Variants in ZNF804B observed in about 807,000 individuals in gnomAD.
ZNF804B encodes zinc finger 804B.
A neutral mutation model predicts 101.4 loss-of-function variants in ZNF804B; 80 were observed. The observed-to-expected ratio is 0.79, with a 90% confidence interval of 0.66 to 0.95. The LOEUF (loss-of-function observed/expected upper bound fraction) is 0.95, where lower values mean the gene tolerates loss of function less well. ZNF804B is among the 40% of genes least tolerant of loss of function. The pLI is 0.00. For synonymous variants in ZNF804B, 622 were observed against 558.8 expected, an observed-to-expected ratio of 1.11 and a Z score of -1.59; for missense variants, 1,673 against 1,561.9, an observed-to-expected ratio of 1.07 and a Z score of -1.20.
chr7:89,188,067 C>CT lies in ZNF804B; in HGVS notation c.109-30079dup, dbSNP rs200332085. ...GTTTCTCAGATACTGCATTTTTTTT[C>CT]TTTTTTTTTACAAATTGACAAATTG... On this transcript the variant is annotated intron_variant, in intron 1 of 3. Transcript: ENST00000333190. 5.1e-3 allele frequency among the ~76,000 whole-genome samples: 767 copies of CT among 150,614 alleles called. 4 individuals carry two copies. The highest frequency in any genetic ancestry group is 0.015 in the African/African-American group (598 of 41,068).
chr7:88,786,608 A>C (rs2115672944), intron 1 of ZNF804B, among the ~76,000 whole-genome samples: 1 of 152,182 alleles, frequency 6.6e-6, no homozygotes, highest in African/African-American at 2.4e-5. Context: ...ATCAGAAAAT[A>C]CTGTTAGTGC....
At chr7:89,094,552 A>C (rs1359831763) in intron 1 of ZNF804B, among the ~76,000 whole-genome samples, 2 of 152,160 alleles carry the variant, frequency 1.3e-5, no homozygotes, top group African/African-American at 4.8e-5. Flanking sequence ...TTTTTTAAAA[A>C]AAAATCCTGG....
At chr7:89,210,946 T>A (rs186077446) in intron 1 of ZNF804B, among the ~76,000 whole-genome samples, 121 of 152,356 alleles carry the variant, frequency 7.9e-4, no homozygotes, top group African/African-American at 2.8e-3. Flanking sequence ...GTTGCTAATT[T>A]ACATTCCCAC....
chr7:89,297,007 T>C (rs1790394538), intron 2 of ZNF804B, among the ~76,000 whole-genome samples: 1 of 152,088 alleles, frequency 6.6e-6, no homozygotes, highest in Non-Finnish European at 1.5e-5. Flanking sequence ...CCAATAATTA[T>C]GTGTACAAAA....
chr7:89,287,975 A>T (rs1407756426), intron 2 of ZNF804B, among the ~76,000 whole-genome samples: 1 of 152,006 alleles, frequency 6.6e-6, no homozygotes, highest in African/African-American at 2.4e-5. Context: ...AAAGATAAAT[A>T]TCCAGAGCCT....
chr7:88,904,102 T>G (rs1038382875), intron 1 of ZNF804B, among the ~76,000 whole-genome samples: 2 of 152,206 alleles, frequency 1.3e-5, no homozygotes, highest in Admixed American at 1.3e-4. Flanking sequence ...ATTTAAATCT[T>G]TAATCCATCT....
chr7:88,884,577 T>C (rs1200666513), intron 1 of ZNF804B, among the ~76,000 whole-genome samples: 1 of 151,874 alleles, frequency 6.6e-6, no homozygotes, highest in Non-Finnish European at 1.5e-5. Context: ...TGAGGAGCTA[T>C]TATATTTTAG....
chr7:89,254,651 AT>A (rs111618806), intron 2 of ZNF804B, among the ~76,000 whole-genome samples: 7,143 of 117,452 alleles, frequency 0.061, 177 homozygotes, highest in African/African-American at 0.076. Flanking sequence ...TATTTTTATT[AT>A]TTTTTTTTTT....
chr7:88,875,799 A>G (rs888875233), intron 1 of ZNF804B, among the ~76,000 whole-genome samples: 2 of 152,210 alleles, frequency 1.3e-5, no homozygotes, highest in African/African-American at 4.8e-5. Flanking sequence ...AATCCTCGCT[A>G]ACTCATTTTA....
At chr7:88,775,025 G>T (rs1275182389) in intron 1 of ZNF804B, among the ~76,000 whole-genome samples, 3 of 152,306 alleles carry the variant, frequency 2.0e-5, no homozygotes, top group African/African-American at 7.2e-5. Context: ...AGGTACCGGT[G>T]ATAGTGAAGT....
chr7:89,226,565 TAA>T (rs1300778006), intron 2 of ZNF804B, among the ~76,000 whole-genome samples: 19 of 152,142 alleles, frequency 1.2e-4, no homozygotes, highest in African/African-American at 4.1e-4. Flanking sequence ...TCTTTTCAGA[TAA>T]GTCTCTAAAT....
chr7:89,102,394 A>G (rs1790068813), intron 1 of ZNF804B, among the ~76,000 whole-genome samples: 1 of 151,896 alleles, frequency 6.6e-6, no homozygotes, highest in Non-Finnish European at 1.5e-5. Context: ...TATGAGTGGT[A>G]TAAAATGATA....
intron 1 of ZNF804B, among the ~76,000 whole-genome samples, chr7:89,020,473 C>G (rs1788649650): frequency 1.3e-5 from 2 of 152,052 alleles, no homozygotes; most frequent in South Asian, 4.1e-4. Context: ...ATGCTTTTCT[C>G]TTGCTGTTTT....
intron 1 of ZNF804B, among the ~76,000 whole-genome samples, chr7:88,940,535 C>A (rs1003094449): frequency 1.3e-5 from 2 of 151,568 alleles, no homozygotes; most frequent in Non-Finnish European, 1.5e-5. Flanking sequence ...AGTTTGAGGA[C>A]GAGGCAGGAG....
At chr7:89,247,779 A>T (rs1352158510) in intron 2 of ZNF804B, among the ~76,000 whole-genome samples, 2 of 152,152 alleles carry the variant, frequency 1.3e-5, no homozygotes, top group African/African-American at 4.8e-5. Flanking sequence ...GAAATGACAC[A>T]AGGAATTCAA....
chr7:89,189,314 A>G (rs1788422083), intron 1 of ZNF804B, among the ~76,000 whole-genome samples: 1 of 152,162 alleles, frequency 6.6e-6, no homozygotes, highest in South Asian at 2.1e-4. Context: ...CAATGTACCT[A>G]TTCACCCAAG....
Position 88,970,059 on chromosome 7 carries a change from CTCCTTCCTT to C in ZNF804B, c.108+209995_108+210003del, listed in dbSNP as rs367636579. Among the ~76,000 whole-genome samples the C allele has an allele frequency of 3.4e-3, 517 of 150,990 alleles. 1 individual carries two copies. The highest frequency in any genetic ancestry group is 8.6e-3 in the African/African-American group (356 of 41,256). ...TTCTCCTTCCCTTCATTTCCCTTTTCTCCTTCCTTTCCTTCCTTTCCTTCCTTTTTTACT... is the reference window on the plus strand; with the variant it reads ...TTCTCCTTCCCTTCATTTCCCTTTTCTCCTTCCTTTCCTTCCTTTTTTACT... On this transcript the variant is annotated intron_variant, in intron 1 of 3. Transcript: ENST00000333190.
intron 1 of ZNF804B, among the ~76,000 whole-genome samples, chr7:88,835,673 A>G (rs1259204348): frequency 6.6e-6 from 1 of 151,914 alleles, no homozygotes; most frequent in East Asian, 1.9e-4. Flanking sequence ...TAACTTCGAT[A>G]GTAGATATTT....
chr7:88,818,655 T>C (rs549033294), intron 1 of ZNF804B, among the ~76,000 whole-genome samples: 1 of 152,308 alleles, frequency 6.6e-6, no homozygotes, highest in East Asian at 1.9e-4. Context: ...GGGGATTCCA[T>C]AGCATAGGAT....
Sources: gnomAD v4.1 joint callset for allele counts (sites outside exome capture counted in the v4.1 genomes callset) on GRCh38, gnomAD v4.1.1 for gene constraint, MANE v1.5 for transcripts, NCBI Gene and HGNC (gene_info 2026-07-23, HGNC 2026-07-21) for gene names.